Variants in PATJ observed in about 807,000 individuals in gnomAD.
PATJ encodes PATJ crumbs cell polarity complex component, also known as inaD-like protein.
In PATJ, 190 loss-of-function variants were observed where a neutral mutation model predicts 224.9. That is an observed-to-expected ratio of 0.84 (90% CI 0.75 to 0.95). The LOEUF (loss-of-function observed/expected upper bound fraction) is 0.95, where lower values mean the gene tolerates loss of function less well. PATJ is among the 40% of genes least tolerant of loss of function. PATJ has a pLI of 0.00. For missense variants in PATJ, 2,121 were observed against 2,270.3 expected (o/e 0.93, Z 1.34); for synonymous variants, 769 against 820.3 (o/e 0.94, Z 1.07).
intron 31 of PATJ, among the ~76,000 whole-genome samples, chr1:62,075,318 A>G (rs147116909): frequency 4.5e-4 from 68 of 152,332 alleles, no homozygotes; most frequent in Admixed American, 1.2e-3. Flanking sequence ...AAGGTTTTCA[A>G]TCAGAAGCTG....
In PATJ at chr1:61,787,940, C is replaced by G; in HGVS notation, c.1036C>G (p.Leu346Val). Residue 346 changes from leucine to valine, a missense_variant, in exon 8 of 44, where the codon CTG becomes GTG. By Grantham distance (32) the Leu-to-Val change is conservative. Coordinates refer to ENST00000642238, the MANE Select transcript of PATJ (RefSeq NM_001350145.3). Reference protein sequence around the residue: ...PPAPAALPVALPTVASKGPGS... With the variant: ...PPAPAALPVAVPTVASKGPGS... ...TGCCCCTGCAGCCTTACCTGTTGCC[C>G]TGCCTACTGTAGCCAGCAAGGGCCC... 1.2e-6 allele frequency: 2 copies of G among 1,613,692 alleles called. No individual in the cohort carries two copies. The highest frequency in any genetic ancestry group is 1.7e-6 in the Non-Finnish European group (2 of 1,179,988).
At chr1:61,939,819 A>G (rs1189874312) in intron 27 of PATJ, among the ~76,000 whole-genome samples, 1 of 149,698 alleles carries the variant, frequency 6.7e-6, no homozygotes, top group Non-Finnish European at 1.5e-5. Flanking sequence ...GATTACAGAC[A>G]CCCACCACCA....
chr1:61,947,213 G>T (rs1054526247), intron 27 of PATJ, among the ~76,000 whole-genome samples: 2 of 152,124 alleles, frequency 1.3e-5, no homozygotes, highest in Non-Finnish European at 2.9e-5. Flanking sequence ...AGAAGTTCTG[G>T]CCAGGGCAAT....
At chr1:61,748,025 C>T (rs1049678403) in intron 1 of PATJ, among the ~76,000 whole-genome samples, 4 of 152,070 alleles carry the variant, frequency 2.6e-5, no homozygotes, top group African/African-American at 4.8e-5. Context: ...GGATTACAGG[C>T]GTGCGCCACC....
chr1:62,154,908 A>G (rs985671445), intron 43 of PATJ, among the ~76,000 whole-genome samples: 1 of 152,146 alleles, frequency 6.6e-6, no homozygotes, highest in African/African-American at 2.4e-5. Context: ...TAGAATGCCT[A>G]ATAAGGCATG....
At chr1:62,067,123 CT>C (rs11381578) in intron 31 of PATJ, among the ~76,000 whole-genome samples, 1,546 of 116,410 alleles carry the variant, frequency 0.013, 17 homozygotes, top group South Asian at 0.069. Context: ...CCTATTCTTT[CT>C]TTTTTTTTTT....
intron 33 of PATJ, chr1:62,100,368 C>A: frequency 1.4e-6 from 1 of 718,288 alleles, no homozygotes; most frequent in Non-Finnish European, 2.6e-6. Context: ...CTGGTGAGGG[C>A]CTTCATGCTG....
chr1:61,803,761 A>G (rs1653008475), intron 12 of PATJ, among the ~76,000 whole-genome samples: 1 of 152,102 alleles, frequency 6.6e-6, no homozygotes, highest in Non-Finnish European at 1.5e-5. Flanking sequence ...TTCTTCTTGC[A>G]TATGTATAAT....
At chr1:61,967,376 C>T (rs1682325704) in intron 27 of PATJ, among the ~76,000 whole-genome samples, 1 of 152,100 alleles carries the variant, frequency 6.6e-6, no homozygotes, top group Non-Finnish European at 1.5e-5. Context: ...TAAACTATCT[C>T]TAAGAGTTGA....
At chr1:62,087,893 A>AT (rs200475132) in intron 33 of PATJ, among the ~76,000 whole-genome samples, 10,614 of 141,776 alleles carry the variant, frequency 0.075, 701 homozygotes, top group African/African-American at 0.18. Context: ...ATTCTTTGTA[A>AT]TTTTTTTTTT....
At chr1:61,918,524 T>C (rs1673794277) in intron 26 of PATJ, among the ~76,000 whole-genome samples, 1 of 151,876 alleles carries the variant, frequency 6.6e-6, no homozygotes, top group Admixed American at 6.6e-5. Context: ...TTGCCCAGGC[T>C]GGTCTTGAAC....
chr1:62,007,325 G>A (rs548764421), intron 28 of PATJ, among the ~76,000 whole-genome samples: 1 of 152,348 alleles, frequency 6.6e-6, no homozygotes, highest in South Asian at 2.1e-4. Context: ...GACCTCAGAA[G>A]GCCCACTTTG....
At chr1:62,120,465 T>C (rs1381457736) in intron 37 of PATJ, among the ~76,000 whole-genome samples, 1 of 152,054 alleles carries the variant, frequency 6.6e-6, no homozygotes, top group Non-Finnish European at 1.5e-5. Context: ...TTATTTGCAA[T>C]GTTTTCGTCT....
intron 27 of PATJ, among the ~76,000 whole-genome samples, chr1:61,948,994 C>T (rs982555487): frequency 4.8e-5 from 7 of 146,180 alleles, no homozygotes; most frequent in Non-Finnish European, 7.4e-5. Flanking sequence ...TGTTCTCACT[C>T]GTAGGTGGGA....
At chr1:62,041,800 G>T (rs1425043732) in intron 30 of PATJ, among the ~76,000 whole-genome samples, 4 of 152,120 alleles carry the variant, frequency 2.6e-5, no homozygotes, top group Non-Finnish European at 4.4e-5. Context: ...GGAGGCCGAG[G>T]CGGGTGGATC....
intron 8 of PATJ, among the ~76,000 whole-genome samples, chr1:61,789,583 T>G (rs1649339669): frequency 1.3e-5 from 2 of 151,690 alleles, no homozygotes; most frequent in Admixed American, 6.6e-5. Flanking sequence ...GAGGATGAGG[T>G]GGGTGGATCA....
intron 28 of PATJ, among the ~76,000 whole-genome samples, chr1:61,999,215 C>T (rs944705): frequency 0.64 from 97,737 of 151,992 alleles, 32,459 homozygotes; most frequent in African/African-American, 0.82. Context: ...CCATAACCTA[C>T]TGGGATTGTT....
intron 22 of PATJ, among the ~76,000 whole-genome samples, chr1:61,898,562 G>C (rs1383611299): frequency 6.6e-6 from 1 of 152,042 alleles, no homozygotes; most frequent in African/African-American, 2.4e-5. Context: ...AAATGAAGTG[G>C]AAGAGGTAGT....
At chr1:61,970,462 T>C (rs1268397782) in intron 27 of PATJ, among the ~76,000 whole-genome samples, 1 of 152,124 alleles carries the variant, frequency 6.6e-6, no homozygotes, top group African/African-American at 2.4e-5. Flanking sequence ...TATAATGACA[T>C]GTATCTTACC....
Sources: allele counts gnomAD v4.1 joint callset (sites outside exome capture counted in the v4.1 genomes callset), GRCh38; gene constraint gnomAD v4.1.1; transcripts MANE v1.5; gene names NCBI Gene and HGNC (gene_info 2026-07-23, HGNC 2026-07-21).